CUX1: variants seen among roughly 807,000 people sequenced by gnomAD.
The protein encoded by CUX1 is cut like homeobox 1, also known as protein CASP.
Under a neutral mutation model 158.8 loss-of-function variants are expected in CUX1, and 31 were observed. The observed-to-expected ratio is 0.20, with a 90% CI of 0.15 to 0.26. The LOEUF (loss-of-function observed/expected upper bound fraction) is 0.26. Among genes scored for constraint, CUX1 ranks in the 10% least tolerant of loss-of-function variants. The pLI, the probability that CUX1 is intolerant of heterozygous loss-of-function variation, is 1.00. For synonymous variants in CUX1, 879 were observed against 862.1 expected (o/e 1.02, Z -0.34); for missense variants, 1,589 against 2,014.6 (o/e 0.79, Z 4.04).
chr7:101,949,511 CTT>C (rs796728203), intron 2 of CUX1, among the ~76,000 whole-genome samples: 2 of 136,152 alleles, frequency 1.5e-5, no homozygotes, highest in African/African-American at 2.7e-5. Context: ...AGAGTGCTTG[CTT>C]TTTTTTTTTT....
At chr7:101,871,288 GT>G (rs2131456657) in intron 1 of CUX1, among the ~76,000 whole-genome samples, 1 of 149,036 alleles carries the variant, frequency 6.7e-6, no homozygotes, top group African/African-American at 2.5e-5. Flanking sequence ...GATGTACTCA[GT>G]TACATGATAA....
chr7:101,825,625 G>T (rs1463840256), intron 1 of CUX1, among the ~76,000 whole-genome samples: 1 of 152,190 alleles, frequency 6.6e-6, no homozygotes, highest in Non-Finnish European at 1.5e-5. Context: ...GGAGAGGAAG[G>T]ATATTGCCAG....
At chr7:102,190,065 TGTCC>T (rs1794114482) in intron 12 of CUX1, among the ~76,000 whole-genome samples, 194 bp downstream of exon 12, 1 of 152,272 alleles carries the variant, frequency 6.6e-6, no homozygotes, top group Non-Finnish European at 1.5e-5. Context: ...CCCTTGGGCC[TGTCC>T]CTGAATTCTT....
Position 102,248,603 on chromosome 7 carries a change from A to G in CUX1, c.4079A>G (p.Glu1360Gly). Residue 1360 changes from glutamate (E) to glycine (G), a missense_variant, in exon 24 of 24, where the codon GAG becomes GGG. Physicochemically the swap from Glu to Gly is moderately conservative, Grantham distance 98. This residue lies in a region of CUX1 where 344 missense variants were observed against 323.7 expected (regional missense o/e 1.06). Transcript: ENST00000292535. The surrounding 1 kb of genome is among the most constrained non-coding windows in gnomAD (Gnocchi z 5.8). ...ACCGAGGAGCCCAAGTCTCAGGGAG[A>G]GGCCGAGCGGGAGGAGGTGCCGCGG... ...ADTEEPKSQG[E>G]AEREEVPRPA... 6.9e-7 allele frequency: 1 copy of G among 1,456,314 alleles called. No individual in the cohort carries two copies. Among genetic ancestry groups the G allele is most frequent in the South Asian group, 1.3e-5 (1 of 76,890 alleles). 90.2% of individuals were successfully genotyped at this position (1,456,314 alleles called of 1,614,324 possible).
intron 2 of CUX1, among the ~76,000 whole-genome samples, chr7:101,941,371 C>T (rs1807697353): frequency 6.6e-6 from 1 of 152,224 alleles, no homozygotes; most frequent in African/African-American, 2.4e-5. Context: ...GGGGAGACCT[C>T]CTTTGCGGGT....
At chr7:101,915,766 G>A (rs1804121186) in intron 1 of CUX1, among the ~76,000 whole-genome samples, 1 of 152,138 alleles carries the variant, frequency 6.6e-6, no homozygotes, top group Non-Finnish European at 1.5e-5. Context: ...TTGGGGAGGC[G>A]GGTGCTTTGG....
intron 2 of CUX1, among the ~76,000 whole-genome samples, chr7:101,966,728 T>A (rs915011791): frequency 6.6e-6 from 1 of 152,106 alleles, no homozygotes; most frequent in Non-Finnish European, 1.5e-5. Flanking sequence ...ATCAGAGGTG[T>A]GTGCTTCTTG....
chr7:101,847,067 C>T (rs1795782228), intron 1 of CUX1, among the ~76,000 whole-genome samples: 1 of 152,072 alleles, frequency 6.6e-6, no homozygotes, highest in Non-Finnish European at 1.5e-5. Context: ...TCGCTGGAGC[C>T]CAGGAGTTCG....
At chr7:102,002,429 G>A (rs578132142) in intron 2 of CUX1, among the ~76,000 whole-genome samples, 70 of 152,348 alleles carry the variant, frequency 4.6e-4, no homozygotes, top group African/African-American at 1.5e-3. Context: ...TGTGGGATTT[G>A]GGTGAGTTTT....
At chr7:101,958,893 C>T (rs1033135086) in intron 2 of CUX1, among the ~76,000 whole-genome samples, 2 of 120,758 alleles carry the variant, frequency 1.7e-5, no homozygotes, top group African/African-American at 3.2e-5. Flanking sequence ...ATTGCCCTGT[C>T]GCCCAAGCTG....
intron 20 of CUX1, among the ~76,000 whole-genome samples, chr7:102,207,352 C>T (rs1796057750): frequency 6.6e-6 from 1 of 152,184 alleles, no homozygotes; most frequent in Admixed American, 6.5e-5. Context: ...GCACAAATCA[C>T]TTACCCAAAA....
chr7:101,974,074 CT>C (rs1416244437), intron 2 of CUX1, among the ~76,000 whole-genome samples: 509 of 139,534 alleles, frequency 3.6e-3, no homozygotes, highest in South Asian at 0.011. Flanking sequence ...GGCCCAGATT[CT>C]TTTTTTTTTT....
intron 3 of CUX1, among the ~76,000 whole-genome samples, chr7:102,041,589 C>A (rs1289962421): frequency 6.6e-6 from 1 of 151,654 alleles, no homozygotes; most frequent in Admixed American, 6.6e-5. Flanking sequence ...TCCTCCAAGT[C>A]TTCCCAAAAT....
chr7:102,166,383 G>T (rs1237099525), intron 9 of CUX1, among the ~76,000 whole-genome samples: 1 of 152,182 alleles, frequency 6.6e-6, no homozygotes, highest in African/African-American at 2.4e-5. Flanking sequence ...AAAGTAGAAC[G>T]AGGGCTCCCA....
intron 1 of CUX1, among the ~76,000 whole-genome samples, chr7:101,853,607 G>A (rs959380231): frequency 1.3e-5 from 2 of 151,932 alleles, no homozygotes; most frequent in African/African-American, 4.8e-5. Flanking sequence ...GTGTGTGTGT[G>A]TGTGTGTGTG....
intron 1 of CUX1, among the ~76,000 whole-genome samples, chr7:101,902,713 G>A (rs767865570): frequency 1.3e-5 from 2 of 152,194 alleles, no homozygotes; most frequent in African/African-American, 2.4e-5. Context: ...TCCTGCAGAC[G>A]GAGCAGTGGG....
intron 2 of CUX1, among the ~76,000 whole-genome samples, chr7:101,988,705 G>A (rs924124941): frequency 2.0e-5 from 3 of 152,002 alleles, no homozygotes; most frequent in East Asian, 1.9e-4. Flanking sequence ...AGAGTCCTGC[G>A]TCGGGATACC....
At chr7:102,242,807 C>T (rs1410740379) in intron 23 of CUX1, among the ~76,000 whole-genome samples, 1 of 152,224 alleles carries the variant, frequency 6.6e-6, no homozygotes, top group Non-Finnish European at 1.5e-5. Context: ...GCTTGTCTTG[C>T]TGGTCTTCTG....
At position 102,184,608 on chromosome 7, in the gene CUX1, G is replaced by T. The variant is rs10251132; in HGVS notation, c.1018-5205G>T. 8.4e-3 allele frequency among the ~76,000 whole-genome samples: 1,286 copies of T among 152,280 alleles called. 10 individuals are homozygous for T. The highest frequency in any genetic ancestry group is 0.03 in the African/African-American group (1,230 of 41,552). ...ACACTTGGCCTTTTCTTACCTGTCT[G>T]TGTAAAGCCCACGTGTGTTCCTTAG... On this transcript the variant is annotated intron_variant, in intron 11 of 23. Transcript: ENST00000292535.
Sources: gnomAD v4.1 joint callset for allele counts (sites outside exome capture counted in the v4.1 genomes callset) on GRCh38, gnomAD v4.1.1 for gene constraint, gnomAD v4.1.1 regional missense constraint, Gnocchi (gnomAD v3.1) non-coding constraint, MANE v1.5 for transcripts, NCBI Gene and HGNC (gene_info 2026-07-23, HGNC 2026-07-21) for gene names.